RHNO1: variants seen among roughly 807,000 people sequenced by gnomAD.
RHNO1 encodes the protein RAD9-HUS1-RAD1 interacting nuclear orphan 1.
In RHNO1, 9 loss-of-function variants were observed where a neutral mutation model predicts 7.2. The ratio of observed to expected loss-of-function variants is 1.25; its 90% CI spans 0.75 to 2.18. The LOEUF (loss-of-function observed/expected upper bound fraction) is 2.18. Among genes scored for constraint, RHNO1 ranks in the 30% most tolerant of loss-of-function variants. The probability of loss-of-function intolerance (pLI) is 0.00; values close to 1 mark genes in which losing one functional copy is unlikely to be tolerated. For missense variants in RHNO1, 292 were observed against 284.5 expected (o/e 1.03, Z -0.19); for synonymous variants, 95 against 107.5 (o/e 0.88, Z 0.72).
chr12:2,885,353 T>G lies in RHNO1; in HGVS notation c.-14T>G. The G allele has an allele frequency of 6.2e-7, 1 of 1,610,920 alleles. No homozygotes were observed. The highest frequency in any genetic ancestry group is 8.5e-7 in the Non-Finnish European group (1 of 1,178,462). ...GCATCATGTGGTTACTAACTGTTCC[T>G]CATTCACCGGTTGATGCCTCCCAGA... On this transcript the variant is annotated 5_prime_UTR_variant, in exon 2 of 3. Coordinates refer to ENST00000489288, the MANE Select transcript of RHNO1 (RefSeq NM_001252499.3).
chr12:2,883,475 G>GA (rs1346884441), intron 1 of RHNO1, among the ~76,000 whole-genome samples: 2 of 52,754 alleles, frequency 3.8e-5, no homozygotes, highest in South Asian at 9.0e-4. Flanking sequence ...GGGAAGGATA[G>GA]AATATATATA....
At chr12:2,883,540 G>A (rs1283608582) in intron 1 of RHNO1, among the ~76,000 whole-genome samples, 2 of 77,206 alleles carry the variant, frequency 2.6e-5, no homozygotes, top group South Asian at 4.5e-4. Flanking sequence ...TTTTTGAGAC[G>A]GAGTTTCACT....
intron 1 of RHNO1, among the ~76,000 whole-genome samples, chr12:2,880,254 G>A (rs1414801231): frequency 6.6e-6 from 1 of 152,164 alleles, no homozygotes. Context: ...AGCTATGATC[G>A]TGTCACTGTA....
At chr12:2,883,238 G>A (rs1223096890) in intron 1 of RHNO1, among the ~76,000 whole-genome samples, 1 of 150,412 alleles carries the variant, frequency 6.6e-6, no homozygotes, top group South Asian at 2.1e-4. Context: ...ATTAGCCAGC[G>A]CTGTGGCACG....
At chr12:2,886,453 C>T (rs540619289) in intron 2 of RHNO1, 1 of 152,528 alleles carries the variant, frequency 6.6e-6, no homozygotes, top group East Asian at 1.9e-4. Context: ...GAGTTCGAGA[C>T]CAGCCTGGGC....
At chr12:2,876,835 GAC>G (rs2098145429), upstream of RHNO1, 1 of 152,904 alleles carries the variant, frequency 6.5e-6, no homozygotes, top group African/African-American at 2.4e-5. Flanking sequence ...CCTGCTGCTA[GAC>G]GCCCTGACCT....
At chr12:2,882,644 A>C (rs1414236113) in intron 1 of RHNO1, among the ~76,000 whole-genome samples, 1 of 152,048 alleles carries the variant, frequency 6.6e-6, no homozygotes. Flanking sequence ...TGGCGGTTGC[A>C]GTGAGCCAAG....
At chr12:2,883,114 C>A (rs2153945005) in intron 1 of RHNO1, among the ~76,000 whole-genome samples, 1 of 147,478 alleles carries the variant, frequency 6.8e-6, no homozygotes, top group East Asian at 2.0e-4. Context: ...TGTGGTGGCT[C>A]ACACCTGTAA....
Position 2,888,345 on chromosome 12 carries a change from C to A in RHNO1, c.603C>A (p.Asp201Glu), listed in dbSNP as rs761363418. The A allele has an allele frequency of 3.1e-6, 5 of 1,614,050 alleles. No homozygotes were observed. In the East Asian group the frequency reaches 6.7e-5, roughly 22 times the overall value. ...AGCCTGGACCTGTTCTGGTTAAAGA[C>A]ACCCCCGAGGACAAGTATGGAATAA... is the stretch of plus-strand genomic sequence containing the variant. ...SPEPGPVLVK[D>E]TPEDKYGIKV... The change falls in exon 3 of 3, where the codon GAC (aspartate) becomes GAA (glutamate). Residue 201 changes from aspartate to glutamate, a missense_variant. Coordinates refer to ENST00000489288, the MANE Select transcript of RHNO1 (RefSeq NM_001252499.3).
intron 1 of RHNO1, among the ~76,000 whole-genome samples, chr12:2,884,462 AG>A (rs1253658949): frequency 1.3e-5 from 2 of 152,158 alleles, no homozygotes; most frequent in Non-Finnish European, 2.9e-5. Context: ...CCTGGCCTAA[AG>A]TGATCAGCCT....
chr12:2,888,233 C>T lies in RHNO1; in HGVS notation c.491C>T (p.Ser164Phe). ...PPDIQTPESSSVKEELIPQDQ... is the reference protein window; with the variant it reads ...PPDIQTPESSFVKEELIPQDQ... The stretch of plus-strand genomic sequence containing the variant: ...GATATCCAGACCCCAGAGTCATCGT[C>T]TGTGAAGGAAGAACTCATTCCCCAA... The change falls in exon 3 of 3, where the codon TCT becomes TTT. Residue 164 changes from serine (S) to phenylalanine (F), a missense_variant. Ser to Phe is a radical substitution (Grantham distance 155, BLOSUM62 -2). Transcript: ENST00000489288. 1 of 1,614,134 alleles carries T rather than the reference C, an allele frequency of 6.2e-7. No homozygotes were observed. Among genetic ancestry groups the T allele is most frequent in the Non-Finnish European group, 8.5e-7 (1 of 1,180,028 alleles).
intron 1 of RHNO1, among the ~76,000 whole-genome samples, chr12:2,882,320 T>G (rs1203676699): frequency 6.9e-6 from 1 of 145,294 alleles, no homozygotes; most frequent in Non-Finnish European, 1.5e-5. Flanking sequence ...AAATAAAACT[T>G]TAAAAAAAGA....
chr12:2,877,675 G>A (rs770779405), intron 1 of RHNO1, among the ~76,000 whole-genome samples: 62 of 152,046 alleles, frequency 4.1e-4, no homozygotes, highest in Non-Finnish European at 8.8e-4. Flanking sequence ...CTACCTCAGC[G>A]CGAAACCTGT....
Position 2,885,481 on chromosome 12 carries a change from C to G in RHNO1, c.115C>G (p.His39Asp), listed in dbSNP as rs778065198. The G allele has an allele frequency of 6.2e-7, 1 of 1,613,784 alleles. No homozygotes were observed. Among genetic ancestry groups the G allele is most frequent in the Non-Finnish European group, 8.5e-7 (1 of 1,179,956 alleles). Reference protein sequence around the residue: ...SCASTQLPITHTRQVPSKPID... With the variant: ...SCASTQLPITDTRQVPSKPID... ...TGCATCTACACAGCTTCCCATCACTCACACTCGACAGGTGCCCAGCAAGCC... is the reference window on the plus strand; with the variant it reads ...TGCATCTACACAGCTTCCCATCACTGACACTCGACAGGTGCCCAGCAAGCC... The change falls in exon 2 of 3, where the codon CAC becomes GAC. Residue 39 changes from histidine (H) to aspartate (D), a missense_variant. Coordinates refer to ENST00000489288, the MANE Select transcript of RHNO1 (RefSeq NM_001252499.3).
chr12:2,879,156 A>T (rs906429199), intron 1 of RHNO1, among the ~76,000 whole-genome samples: 2 of 146,946 alleles, frequency 1.4e-5, no homozygotes, highest in Admixed American at 1.4e-4. Flanking sequence ...GGCACATGCC[A>T]CTACACCCAT....
rs750695454 is a variant in RHNO1 at position 2,885,461 on chromosome 12, C to T, written c.95C>T (p.Ser32Phe). Residue 32 changes from serine (S) to phenylalanine (F), a missense_variant, in exon 2 of 3, where the codon TCT becomes TTT. Coordinates refer to ENST00000489288, the MANE Select transcript of RHNO1 (RefSeq NM_001252499.3). ...GAGGGCCCCAAACACAGCTGTGCATCTACACAGCTTCCCATCACTCACACT... is the reference window on the plus strand; with the variant it reads ...GAGGGCCCCAAACACAGCTGTGCATTTACACAGCTTCCCATCACTCACACT... ...PLEGPKHSCA[S>F]TQLPITHTRQ... is the part of the protein sequence containing the mutation. 1.9e-6 allele frequency: 3 copies of T among 1,612,908 alleles called. No individual in the cohort carries two copies. Among genetic ancestry groups the T allele is most frequent in the African/African-American group, 2.7e-5 (2 of 74,804 alleles).
At chr12:2,883,075 A>AAAAAAAAAAAAAC (rs1555108313) in intron 1 of RHNO1, among the ~76,000 whole-genome samples, 7 of 134,504 alleles carry the variant, frequency 5.2e-5, no homozygotes, top group Admixed American at 1.6e-4. Context: ...TCAAAAAAAA[A>AAAAAAAAAAAAAC]AAAAAAAAAA....
chr12:2,876,934 C>G (rs28990685), upstream of RHNO1: 4,629 of 152,370 alleles, frequency 0.03, 221 homozygotes, highest in African/African-American at 0.1. Flanking sequence ...AGACTGCAGT[C>G]GCCGCCGCCG....
chr12:2,880,556 G>A (rs1435528213), intron 1 of RHNO1, among the ~76,000 whole-genome samples: 1 of 152,066 alleles, frequency 6.6e-6, no homozygotes, highest in Non-Finnish European at 1.5e-5. Flanking sequence ...GGAGGTTGCA[G>A]TGAGCCGAGA....
Sources: gnomAD v4.1 joint callset for allele counts (sites outside exome capture counted in the v4.1 genomes callset) on GRCh38, gnomAD v4.1.1 for gene constraint, MANE v1.5 for transcripts, NCBI Gene and HGNC (gene_info 2026-07-23, HGNC 2026-07-21) for gene names.